Variants in LINS1 observed in about 807,000 individuals in gnomAD.
The protein encoded by LINS1 is protein Lines homolog 1.
Under a neutral mutation model 41.6 loss-of-function variants are expected in LINS1, and 27 were observed. The observed-to-expected ratio is 0.65, with a 90% confidence interval of 0.48 to 0.89. The LOEUF (loss-of-function observed/expected upper bound fraction) is 0.89. LINS1 is among the 40% of genes least tolerant of loss of function. The probability of loss-of-function intolerance (pLI) is 0.00; values close to 1 mark genes in which losing one functional copy is unlikely to be tolerated. For missense variants in LINS1, 955 were observed against 884.1 expected, an observed-to-expected ratio of 1.08 and a Z score of -1.02; for synonymous variants, 336 against 312.9, an observed-to-expected ratio of 1.07 and a Z score of -0.78.
intron 1 of LINS1, among the ~76,000 whole-genome samples, chr15:100,590,555 T>C (rs375690684): frequency 6.6e-6 from 1 of 152,222 alleles, no homozygotes; most frequent in African/African-American, 2.4e-5. Context: ...ATTAGAAATG[T>C]TTCCCTCATG....
intron 3 of LINS1, chr15:100,576,484 G>C (rs2038188582): frequency 6.6e-6 from 1 of 152,144 alleles, no homozygotes. Context: ...GGAAGAAGCT[G>C]AATCTCTTAA....
At chr15:100,595,573 C>T (rs4965681) in intron 1 of LINS1, among the ~76,000 whole-genome samples, 22,686 of 152,162 alleles carry the variant, frequency 0.15, 1,927 homozygotes, top group Admixed American at 0.27. Context: ...GAATGAAAAA[C>T]GGCACATCCT....
At chr15:100,570,214 A>T in intron 6 of LINS1, 97 bp from the exon 7 acceptor site, 1 of 1,020,382 alleles carries the variant, frequency 9.8e-7, no homozygotes, top group Non-Finnish European at 1.4e-6. Context: ...AACCTATTAG[A>T]TTACTTTTAA....
In LINS1 at chr15:100,569,493, A is replaced by G. The variant is rs538265138; in HGVS notation, c.2019T>C (p.Phe673=). Residue 673 remains phenylalanine, a synonymous_variant, in exon 7 of 7, where the codon TTT becomes TTC. Transcript: ENST00000314742. ...AAGTSRDKKE[F]SLEPPSRPLV... ...GAGGCCTTGATGGAGGCTCAAGGCT[A>G]AATTCTTTTTTATCCCTGCTTGTCC... 2.2e-5 allele frequency: 35 copies of G among 1,614,078 alleles called. No homozygotes were observed. Among genetic ancestry groups the G allele is most frequent in the Non-Finnish European group, 2.7e-5 (32 of 1,180,048 alleles).
chr15:100,596,080 G>C (rs2039231540), intron 1 of LINS1, among the ~76,000 whole-genome samples: 1 of 152,216 alleles, frequency 6.6e-6, no homozygotes, highest in African/African-American at 2.4e-5. Context: ...CAGACTCCAG[G>C]AGATTTGGAG....
chr15:100,570,832 AT>A (rs1316639855), intron 6 of LINS1, among the ~76,000 whole-genome samples: 1 of 152,216 alleles, frequency 6.6e-6, no homozygotes, highest in African/African-American at 2.4e-5. Context: ...AACCAAAAAA[AT>A]CTTAACAAAT....
rs908774692 is a variant in LINS1, at chr15:100,569,906, C to T, written c.1606G>A (p.Asp536Asn). Reference sequence around the variant, plus strand: ...TTATTGCAAATGGTGAAAAAATTATCCCAGTCCTTTTGCAGTAATTTTAAA... The same window carrying T: ...TTATTGCAAATGGTGAAAAAATTATTCCAGTCCTTTTGCAGTAATTTTAAA... ...RYLKLLQKDW[D>N]NFFTICNNFD... The change falls in exon 7 of 7, where the codon GAT (aspartate) becomes AAT (asparagine). Residue 536 changes from aspartate (D) to asparagine (N), a missense_variant. Transcript: ENST00000314742. 6.2e-6 allele frequency: 10 copies of T among 1,609,190 alleles called. No individual in the cohort carries two copies. The highest frequency in any genetic ancestry group is 1.3e-5 in the African/African-American group (1 of 74,914).
intron 1 of LINS1, among the ~76,000 whole-genome samples, chr15:100,600,470 G>C (rs1223603003): frequency 7.3e-6 from 1 of 137,616 alleles, no homozygotes; most frequent in African/African-American, 2.7e-5. Context: ...TAAAACAATG[G>C]CTTCCTATAC....
chr15:100,583,431 A>T (rs1754842974), intron 1 of LINS1, among the ~76,000 whole-genome samples: 2 of 152,244 alleles, frequency 1.3e-5, no homozygotes, highest in South Asian at 4.1e-4. Flanking sequence ...TATAGATTTT[A>T]AAGTTATGAA....
chr15:100,569,791 G>T lies in LINS1; in HGVS notation c.1721C>A (p.Pro574His). The T allele has an allele frequency of 6.2e-7, 1 of 1,613,920 alleles. No individual in the cohort carries two copies. The highest frequency in any genetic ancestry group is 8.5e-7 in the Non-Finnish European group (1 of 1,179,916). ...ACTATGAGGAGCAGTCAAACGATGG[G>T]GTATTGTTTGGTTGGAGCTTTGGTC... ...VQDQSSNQTI[P>H]HRLTAPHSHR... The change falls in exon 7 of 7, where the codon CCC (proline) becomes CAC (histidine). Residue 574 changes from proline (P) to histidine (H), a missense_variant. Physicochemically the swap from Pro to His is moderately conservative, Grantham distance 77. Coordinates refer to ENST00000314742, the MANE Select transcript of LINS1 (RefSeq NM_001040616.3).
chr15:100,596,509 T>C (rs1312787978), intron 1 of LINS1, among the ~76,000 whole-genome samples: 1 of 152,230 alleles, frequency 6.6e-6, no homozygotes, highest in Non-Finnish European at 1.5e-5. Context: ...AATGCTTAAA[T>C]GCATTTTTCT....
chr15:100,583,469 TCA>T (rs151106597), intron 1 of LINS1, among the ~76,000 whole-genome samples: 6,423 of 152,346 alleles, frequency 0.042, 182 homozygotes, highest in Non-Finnish European at 0.066. Context: ...TTTCTCTGAA[TCA>T]CACTTTCAAC....
At chr15:100,601,235 G>T (rs947519251) in intron 1 of LINS1, among the ~76,000 whole-genome samples, 1 of 152,034 alleles carries the variant, frequency 6.6e-6, no homozygotes, top group Non-Finnish European at 1.5e-5. Flanking sequence ...CTAAAACTCG[G>T]TAATTTATAA....
intron 1 of LINS1, among the ~76,000 whole-genome samples, chr15:100,596,137 C>T (rs1233948786): frequency 6.6e-6 from 1 of 152,172 alleles, no homozygotes; most frequent in Non-Finnish European, 1.5e-5. Flanking sequence ...CAGGAACTGC[C>T]AGCTCTCTTT....
Position 100,569,934 on chromosome 15 carries a change from T to A in LINS1, c.1578A>T (p.Arg526Ser). 1.3e-6 allele frequency: 2 copies of A among 1,595,026 alleles called. No homozygotes were observed. Among genetic ancestry groups the A allele is most frequent in the Non-Finnish European group, 1.7e-6 (2 of 1,168,570 alleles). ...SETCFLEYFV[R>S]YLKLLQKDWD... ...AGTCCTTTTGCAGTAATTTTAAATATCTAACAAAATATTCAAGAAAACAGG... is the reference window on the plus strand; with the variant it reads ...AGTCCTTTTGCAGTAATTTTAAATAACTAACAAAATATTCAAGAAAACAGG... The change falls in exon 7 of 7, where the codon AGA becomes AGT. Residue 526 changes from arginine to serine, a missense_variant. Coordinates refer to ENST00000314742, the MANE Select transcript of LINS1 (RefSeq NM_001040616.3).
chr15:100,569,253 A>T lies in LINS1; in HGVS notation c.2259T>A (p.Thr753=). The change falls in exon 7 of 7, where the codon ACT becomes ACA. Residue 753 remains threonine (T), a synonymous_variant. Coordinates refer to ENST00000314742, the MANE Select transcript of LINS1 (RefSeq NM_001040616.3). ...LKYIEVISNK[T]MNTL is the part of the protein sequence containing the mutation. ...TGTCAATGTTTTACAAAGTGTTCATAGTTTTATTACTTATCACCTCTATGT... is the reference window on the plus strand; with the variant it reads ...TGTCAATGTTTTACAAAGTGTTCATTGTTTTATTACTTATCACCTCTATGT... The T allele has an allele frequency of 6.3e-7, 1 of 1,590,420 alleles. No homozygotes were observed. Among genetic ancestry groups the T allele is most frequent in the Non-Finnish European group, 8.6e-7 (1 of 1,159,342 alleles).
Position 100,580,300 on chromosome 15 carries a change from C to T in LINS1, c.452G>A (p.Cys151Tyr). The part of the protein sequence containing the change: ...DKLLSHMAAQ[C>Y]LALLLYFQLR... ...TTGGAAATATAGAAGCAATGCAAGG[C>T]ACTGTGCAGCCATGTGAGATAACAA... The change falls in exon 3 of 7, where the codon TGC (cysteine) becomes TAC (tyrosine). Residue 151 changes from cysteine (C) to tyrosine (Y), a missense_variant. Transcript: ENST00000314742. 1 of 1,612,654 alleles carries T rather than the reference C, an allele frequency of 6.2e-7. No homozygotes were observed. The highest frequency in any genetic ancestry group is 8.5e-7 in the Non-Finnish European group (1 of 1,178,958).
chr15:100,584,067 C>T (rs1483613155), intron 1 of LINS1, among the ~76,000 whole-genome samples: 2 of 151,940 alleles, frequency 1.3e-5, no homozygotes, highest in African/African-American at 4.8e-5. Context: ...GATATATTGT[C>T]TGTCACACAT....
At chr15:100,588,529 T>C (rs915627953) in intron 1 of LINS1, among the ~76,000 whole-genome samples, 1 of 152,230 alleles carries the variant, frequency 6.6e-6, no homozygotes, top group Admixed American at 6.5e-5. Context: ...AGATTATTGG[T>C]AAAATAAAAA....
Sources: allele counts gnomAD v4.1 joint callset (sites outside exome capture counted in the v4.1 genomes callset), GRCh38; gene constraint gnomAD v4.1.1; transcripts MANE v1.5; gene names NCBI Gene and HGNC (gene_info 2026-07-23, HGNC 2026-07-21).